The following EPB41L2 variants were observed in gnomAD, a reference collection of about 807,000 sequenced individuals.
EPB41L2 encodes the protein erythrocyte membrane protein band 4.1 like 2.
EPB41L2 carries 43 observed loss-of-function variants against 113.0 expected under a neutral mutation model. The observed-to-expected ratio is 0.38, with a 90% CI of 0.30 to 0.49. The LOEUF (loss-of-function observed/expected upper bound fraction) is 0.49, where lower values mean the gene tolerates loss of function less well. Ranked by LOEUF, EPB41L2 falls within the 20% of genes least tolerant of loss-of-function variation. EPB41L2 has a pLI of 0.95. For missense variants in EPB41L2, 1,147 were observed against 1,223.4 expected (o/e 0.94, Z 0.93); for synonymous variants, 442 against 436.7 (o/e 1.01, Z -0.15).
chr6:130,869,703 T>C lies in EPB41L2; in HGVS notation c.2467A>G (p.Ile823Val). 1 of 1,614,156 alleles carries C rather than the reference T, an allele frequency of 6.2e-7. No homozygotes were observed. Among genetic ancestry groups the C allele is most frequent in the South Asian group, 1.1e-5 (1 of 91,080 alleles). ...VIQENVGAQKIPGEKSVHEGA... is the reference protein window; with the variant it reads ...VIQENVGAQKVPGEKSVHEGA... ...TCGTGTACACTCTTCTCTCCGGGTATCTTTTGGGCACCTACATTTTCCTGG... is the reference window on the plus strand; with the variant it reads ...TCGTGTACACTCTTCTCTCCGGGTACCTTTTGGGCACCTACATTTTCCTGG... The change falls in exon 15 of 20, where the codon ATA becomes GTA. Residue 823 changes from isoleucine (I) to valine (V), a missense_variant. By Grantham distance (29) the Ile-to-Val change is conservative. Coordinates refer to ENST00000337057, the MANE Select transcript of EPB41L2 (RefSeq NM_001431.4).
intron 14 of EPB41L2, among the ~76,000 whole-genome samples, chr6:130,877,653 G>A (rs778214104): frequency 8.6e-5 from 13 of 151,918 alleles, no homozygotes; most frequent in African/African-American, 2.4e-4. Flanking sequence ...AGGGCTCATC[G>A]GTCTTTAAAG....
intron 1 of EPB41L2, among the ~76,000 whole-genome samples, chr6:130,960,253 AAAG>A (rs1280293917): frequency 6.6e-6 from 1 of 152,228 alleles, no homozygotes; most frequent in African/African-American, 2.4e-5. Flanking sequence ...CCTAGTACTC[AAAG>A]AAGGTTCCTG....
intron 19 of EPB41L2, among the ~76,000 whole-genome samples, chr6:130,853,577 C>T (rs907157749): frequency 1.3e-5 from 2 of 152,100 alleles, no homozygotes; most frequent in South Asian, 2.1e-4. Context: ...TTCTTTTTAA[C>T]GGGGTTTGCA....
At chr6:130,849,243 T>C (rs1778041719) in intron 19 of EPB41L2, among the ~76,000 whole-genome samples, 1 of 152,256 alleles carries the variant, frequency 6.6e-6, no homozygotes, top group Non-Finnish European at 1.5e-5. Context: ...TCAGAGCTTC[T>C]GATTTTTCTA....
intron 1 of EPB41L2, among the ~76,000 whole-genome samples, chr6:131,021,790 C>T (rs1789563854): frequency 6.6e-6 from 1 of 152,140 alleles, no homozygotes; most frequent in African/African-American, 2.4e-5. Context: ...TTCTTACTCC[C>T]ATTTTATAGA....
At chr6:130,914,872 T>C (rs774629520) in intron 4 of EPB41L2, among the ~76,000 whole-genome samples, 1 of 152,078 alleles carries the variant, frequency 6.6e-6, no homozygotes, top group Non-Finnish European at 1.5e-5. Flanking sequence ...ACCCAAAACA[T>C]GAACACAGTA....
chr6:130,900,543 C>T (rs916279488), intron 7 of EPB41L2, among the ~76,000 whole-genome samples: 5 of 152,308 alleles, frequency 3.3e-5, no homozygotes, highest in Admixed American at 3.3e-4. Flanking sequence ...TCACCACCTA[C>T]ACTGGTAATT....
At position 130,840,175 on chromosome 6, in the gene EPB41L2, C is replaced by G. The variant is rs556145443; in HGVS notation, c.*429G>C. On this transcript the variant is annotated 3_prime_UTR_variant, in exon 20 of 20. Coordinates refer to ENST00000337057, the MANE Select transcript of EPB41L2 (RefSeq NM_001431.4). ...AATCCAGAAGAAGGAAAGCCACTAT[C>G]TAAATTAGTCACAGAGTTTCCTTTC... 2 of 152,568 alleles carry G rather than the reference C, an allele frequency of 1.3e-5. No individual in the cohort carries two copies. Among genetic ancestry groups the G allele is most frequent in the South Asian group, 4.1e-4 (2 of 4,834 alleles). 9.5% of individuals were successfully genotyped at this position (152,568 alleles called of 1,614,324 possible).
intron 1 of EPB41L2, among the ~76,000 whole-genome samples, chr6:130,981,165 T>C (rs929353336): frequency 3.3e-5 from 5 of 152,206 alleles, no homozygotes; most frequent in African/African-American, 1.2e-4. Flanking sequence ...AAGTCATTGG[T>C]GTTTTAAACT....
At chr6:130,938,161 C>G (rs1250386475) in intron 3 of EPB41L2, among the ~76,000 whole-genome samples, 1 of 152,208 alleles carries the variant, frequency 6.6e-6, no homozygotes, top group African/African-American at 2.4e-5. Flanking sequence ...TTCCTAACAA[C>G]AGTAGTTGCC....
chr6:130,871,653 C>A (rs771552830), intron 14 of EPB41L2, among the ~76,000 whole-genome samples: 43 of 152,150 alleles, frequency 2.8e-4, no homozygotes, highest in Non-Finnish European at 1.6e-4. Flanking sequence ...GTTTCATTGA[C>A]CCAAATTAAT....
intron 10 of EPB41L2, among the ~76,000 whole-genome samples, chr6:130,891,830 T>A (rs577607794): frequency 1.5e-4 from 23 of 152,314 alleles, no homozygotes; most frequent in Middle Eastern, 3.4e-3. Flanking sequence ...GTTTACAGAT[T>A]AATGGCTTCA....
chr6:131,011,086 C>A lies in EPB41L2; in HGVS notation c.-15+52069G>T, dbSNP rs1362417981. On this transcript the variant is annotated intron_variant, in intron 1 of 19. Transcript: ENST00000337057. ...TTTTCTCCTCTACCATTCATTCACT[C>A]AAAATTTAGCGACTGGCTATTATGT... Among the ~76,000 whole-genome samples the A allele has an allele frequency of 2.0e-5, 3 of 152,190 alleles. No individual in the cohort carries two copies. The East Asian group carries it at 5.8e-4, about 29-fold the overall frequency.
chr6:130,942,125 T>C (rs1204725372), intron 3 of EPB41L2, among the ~76,000 whole-genome samples: 1 of 152,244 alleles, frequency 6.6e-6, no homozygotes, highest in Non-Finnish European at 1.5e-5. Context: ...CATATTATGT[T>C]ATAGTGCTAT....
intron 14 of EPB41L2, among the ~76,000 whole-genome samples, chr6:130,875,764 CAAG>C (rs981623370): frequency 5.9e-5 from 9 of 151,972 alleles, no homozygotes; most frequent in Non-Finnish European, 1.3e-4. Flanking sequence ...TTTGGGAGAC[CAAG>C]AAGGGCAAAT....
Position 130,866,411 on chromosome 6 carries a change from G to A in EPB41L2, c.2731-777C>T, listed in dbSNP as rs35990420. ...CACTGACACGAGGAAATAACTGGACGGTCCAGAGCCTTTCTGACTGTAAGA... is the reference window on the plus strand; with the variant it reads ...CACTGACACGAGGAAATAACTGGACAGTCCAGAGCCTTTCTGACTGTAAGA... On this transcript the variant is annotated intron_variant, in intron 16 of 19. Coordinates refer to ENST00000337057, the MANE Select transcript of EPB41L2 (RefSeq NM_001431.4). Among the ~76,000 whole-genome samples, 169 of 152,266 alleles carry A rather than the reference G, an allele frequency of 1.1e-3. 1 individual carries two copies. Among genetic ancestry groups the A allele is most frequent in the South Asian group, 4.1e-3 (20 of 4,820 alleles).
chr6:130,992,691 C>T (rs117098721), intron 1 of EPB41L2, among the ~76,000 whole-genome samples: 2,907 of 151,182 alleles, frequency 0.019, 44 homozygotes, highest in Non-Finnish European at 0.029. Context: ...AATGCAGTGG[C>T]GCCATCTCAG....
chr6:130,942,633 G>A (rs1284343803), intron 3 of EPB41L2, among the ~76,000 whole-genome samples: 1 of 152,084 alleles, frequency 6.6e-6, no homozygotes, highest in Non-Finnish European at 1.5e-5. Context: ...TTTAAGTTCT[G>A]GGATATGTGT....
intron 1 of EPB41L2, among the ~76,000 whole-genome samples, chr6:130,986,321 T>C (rs1163503932): frequency 6.6e-6 from 1 of 151,996 alleles, no homozygotes; most frequent in Non-Finnish European, 1.5e-5. Context: ...AAGGAAGATA[T>C]ACAAATGGCC....
Sources: allele counts gnomAD v4.1 joint callset (sites outside exome capture counted in the v4.1 genomes callset), GRCh38; gene constraint gnomAD v4.1.1; transcripts MANE v1.5; gene names NCBI Gene and HGNC (gene_info 2026-07-23, HGNC 2026-07-21).